Variants in SH3PXD2A observed in about 807,000 individuals in gnomAD.
SH3PXD2A encodes the protein SH3 and PX domain-containing protein 2A.
In SH3PXD2A, 32 loss-of-function variants were observed where a neutral mutation model predicts 115.2. The observed-to-expected ratio is 0.28, with a 90% CI of 0.21 to 0.37. The LOEUF (loss-of-function observed/expected upper bound fraction) is 0.37. Among genes scored for constraint, SH3PXD2A ranks in the 10% least tolerant of loss-of-function variants. The pLI, the probability that SH3PXD2A is intolerant of heterozygous loss-of-function variation, is 1.00. For missense variants in SH3PXD2A, 1,328 were observed against 1,498.7 expected, an observed-to-expected ratio of 0.89 and a Z score of 1.88; for synonymous variants, 610 against 629.1, an observed-to-expected ratio of 0.97 and a Z score of 0.45.
chr10:103,694,281 G>GT (rs1180942565), intron 5 of SH3PXD2A, among the ~76,000 whole-genome samples: 1 of 152,012 alleles, frequency 6.6e-6, no homozygotes, highest in Non-Finnish European at 1.5e-5. Flanking sequence ...GGCGGGGTTG[G>GT]GGGTTTGGGG....
At chr10:103,736,601 G>GA in intron 3 of SH3PXD2A, among the ~76,000 whole-genome samples, 1 of 152,256 alleles carries the variant, frequency 6.6e-6, no homozygotes, top group Admixed American at 6.5e-5. Flanking sequence ...AATGTCTAGG[G>GA]CCAAAGCCCC....
chr10:103,831,746 ACTAT>A (rs2039484529), intron 1 of SH3PXD2A, among the ~76,000 whole-genome samples: 1 of 152,182 alleles, frequency 6.6e-6, no homozygotes, highest in Non-Finnish European at 1.5e-5. Context: ...ATACATCACC[ACTAT>A]CTAATTCCAG....
intron 2 of SH3PXD2A, among the ~76,000 whole-genome samples, chr10:103,777,469 T>TTTTAATGATA: frequency 6.6e-6 from 1 of 152,252 alleles, no homozygotes; most frequent in East Asian, 1.9e-4. Context: ...CCTCTGGCTT[T>TTTTAATGATA]CCCAGCAGCT....
intron 10 of SH3PXD2A, among the ~76,000 whole-genome samples, chr10:103,621,903 CCTGTTGGG>C (rs1473501339): frequency 6.6e-6 from 1 of 152,250 alleles, no homozygotes; most frequent in Non-Finnish European, 1.5e-5. Flanking sequence ...CTCAGCAGAG[CCTGTTGGG>C]CTGCACCCTG....
At chr10:103,854,859 G>A (rs950574441) in intron 1 of SH3PXD2A, among the ~76,000 whole-genome samples, 2 of 152,160 alleles carry the variant, frequency 1.3e-5, no homozygotes, top group African/African-American at 4.8e-5. Context: ...CCGAGGAGAT[G>A]CGCTTTCCCG....
rs980225433 is a variant in SH3PXD2A at position 103,750,602 on chromosome 10, G to A, written c.230-14794C>T. On this transcript the variant is annotated intron_variant, in intron 3 of 14. Coordinates refer to ENST00000369774, the MANE Select transcript of SH3PXD2A (RefSeq NM_001394015.1). ...TGAGCGATTCTCATGTACCTCTGAGGCTGAGAATTACTGACAGAATCTAAT... is the reference window on the plus strand; with the variant it reads ...TGAGCGATTCTCATGTACCTCTGAGACTGAGAATTACTGACAGAATCTAAT... 2.0e-5 allele frequency among the ~76,000 whole-genome samples: 3 copies of A among 152,314 alleles called. No individual in the cohort carries two copies. The East Asian group carries it at 5.8e-4, about 29-fold the overall frequency.
At chr10:103,805,797 G>A (rs2039196071) in intron 1 of SH3PXD2A, among the ~76,000 whole-genome samples, 1 of 152,246 alleles carries the variant, frequency 6.6e-6, no homozygotes, top group South Asian at 2.1e-4. Flanking sequence ...GCCAAGGCAG[G>A]AGGATCGCTT....
chr10:103,783,400 G>A (rs1248605934), intron 2 of SH3PXD2A, among the ~76,000 whole-genome samples: 6 of 152,060 alleles, frequency 3.9e-5, no homozygotes, highest in Admixed American at 6.6e-5. Context: ...GCTGGACCAC[G>A]GTGGGGGCAG....
intron 11 of SH3PXD2A, 59 bp from the exon 12 acceptor site, chr10:103,613,249 C>T: frequency 1.5e-6 from 2 of 1,357,192 alleles, no homozygotes; most frequent in Non-Finnish European, 2.0e-6. Flanking sequence ...AGCCCACTCC[C>T]AGGCCCTAGG....
chr10:103,775,498 A>C (rs1467731758), intron 2 of SH3PXD2A, among the ~76,000 whole-genome samples: 1 of 152,226 alleles, frequency 6.6e-6, no homozygotes, highest in Non-Finnish European at 1.5e-5. Flanking sequence ...AAGAGACATC[A>C]GAGCCAGGCC....
At chr10:103,696,978 C>A (rs2037832467) in intron 5 of SH3PXD2A, among the ~76,000 whole-genome samples, 1 of 152,178 alleles carries the variant, frequency 6.6e-6, no homozygotes, top group Non-Finnish European at 1.5e-5. Context: ...CATCCCTCCC[C>A]ATCTAAACAA....
chr10:103,716,782 C>T (rs531782722), intron 5 of SH3PXD2A, among the ~76,000 whole-genome samples: 2 of 152,316 alleles, frequency 1.3e-5, no homozygotes, highest in Admixed American at 6.5e-5. Context: ...GCATGTGTGC[C>T]CACCCTGCCC....
chr10:103,840,269 C>T (rs1168245086), intron 1 of SH3PXD2A, among the ~76,000 whole-genome samples: 1 of 152,196 alleles, frequency 6.6e-6, no homozygotes, highest in African/African-American at 2.4e-5. Context: ...GTGTCAAAAA[C>T]ATCTTGCCAG....
chr10:103,629,260 G>A lies in SH3PXD2A; in HGVS notation c.605-2058C>T, dbSNP rs148484852. ...AATAGCTGAAGTCACTGAGCAGCTC[G>A]TGGTGACAGGCAGGTGCTGGAACCC... On this transcript the variant is annotated intron_variant, in intron 8 of 14. Transcript: ENST00000369774. Among the ~76,000 whole-genome samples, 287 of 152,362 alleles carry A rather than the reference G, an allele frequency of 1.9e-3. 1 individual carries two copies. The highest frequency in any genetic ancestry group is 6.8e-3 in the African/African-American group (284 of 41,582).
chr10:103,807,011 A>C (rs902981783), intron 1 of SH3PXD2A, among the ~76,000 whole-genome samples: 2 of 152,164 alleles, frequency 1.3e-5, no homozygotes, highest in African/African-American at 4.8e-5. Flanking sequence ...CTCAGCTCAC[A>C]AGGCCCACCA....
intron 5 of SH3PXD2A, among the ~76,000 whole-genome samples, chr10:103,721,915 T>C (rs1347292505): frequency 6.6e-6 from 1 of 151,964 alleles, no homozygotes; most frequent in Non-Finnish European, 1.5e-5. Context: ...AACAGATGAA[T>C]GTGGGCTTCT....
intron 8 of SH3PXD2A, among the ~76,000 whole-genome samples, chr10:103,659,167 G>A (rs2037254706): frequency 6.6e-6 from 1 of 152,182 alleles, no homozygotes; most frequent in African/African-American, 2.4e-5. Flanking sequence ...AGGGGAGAGG[G>A]CGCACATGCC....
In SH3PXD2A at chr10:103,599,581, C is replaced by CTGTT. The variant is rs2036186910; in HGVS notation, c.*2231_*2234dup. 1 of 152,524 alleles carries CTGTT rather than the reference C, an allele frequency of 6.6e-6. No individual in the cohort carries two copies. The highest frequency in any genetic ancestry group is 2.1e-4 in the South Asian group (1 of 4,830). The allele number at this position is 152,524 out of a possible 1,614,324, so 9.4% of individuals were successfully genotyped here. ...CTTTTTTTCTCTTAATAAATATGTGCTGTTTAAAAATGAGAAAAGTATATA... is the reference window on the plus strand; with the variant it reads ...CTTTTTTTCTCTTAATAAATATGTGCTGTTTGTTTAAAAATGAGAAAAGTATATA... On this transcript the variant is annotated 3_prime_UTR_variant, in exon 15 of 15. Transcript: ENST00000369774.
intron 7 of SH3PXD2A, chr10:103,661,678 AGAG>A (rs2037305988): frequency 1.0e-6 from 1 of 984,894 alleles, no homozygotes; most frequent in African/African-American, 1.8e-5. Context: ...CGGGAGAGGG[AGAG>A]GAGAGAGCGG....
Sources: allele counts gnomAD v4.1 joint callset (sites outside exome capture counted in the v4.1 genomes callset), GRCh38; gene constraint gnomAD v4.1.1; transcripts MANE v1.5; gene names NCBI Gene and HGNC (gene_info 2026-07-23, HGNC 2026-07-21).